The following PCDH15 variants were observed in gnomAD, a reference collection of about 807,000 sequenced individuals.
PCDH15 encodes the protein protocadherin-15.
In PCDH15, 129 loss-of-function variants were observed where a neutral mutation model predicts 178.5. That is an observed-to-expected ratio of 0.72 (90% CI 0.63 to 0.84). The LOEUF is 0.84. Among genes scored for constraint, PCDH15 ranks in the 40% least tolerant of loss-of-function variants. PCDH15 has a pLI of 0.00. For synonymous variants in PCDH15, 800 were observed against 732.0 expected, an observed-to-expected ratio of 1.09 and a Z score of -1.50; for missense variants, 2,230 against 2,099.9, an observed-to-expected ratio of 1.06 and a Z score of -1.21.
At chr10:54,656,316 A>G (rs2094405677) in intron 2 of PCDH15, among the ~76,000 whole-genome samples, 1 of 151,972 alleles carries the variant, frequency 6.6e-6, no homozygotes, top group South Asian at 2.1e-4. Flanking sequence ...TTGACCCCCA[A>G]GGAACTTAGA....
intron 35 of PCDH15, among the ~76,000 whole-genome samples, chr10:53,811,913 C>A (rs952302083): frequency 6.6e-6 from 1 of 152,090 alleles, no homozygotes; most frequent in Non-Finnish European, 1.5e-5. Context: ...TGCAGATGAG[C>A]ATTTTCACTT....
rs554561027 is a variant in PCDH15, at chr10:54,875,115, G to A, written c.-29+22335C>T. ...ATCAGTGCTATTTTTCGAACAGCAC[G>A]TGCTCATTTCATGTCATTGTGTCAC... On this transcript the variant is annotated intron_variant, in intron 3 of 5. Coordinates refer to the PCDH15 transcript ENST00000458638. Among the ~76,000 whole-genome samples, 26 of 152,212 alleles carry A rather than the reference G, an allele frequency of 1.7e-4. No individual in the cohort carries two copies. The South Asian group carries it at 1.9e-3, about 11-fold the overall frequency.
At chr10:54,728,372 T>C (rs1167937974) in intron 1 of PCDH15, among the ~76,000 whole-genome samples, 1 of 151,430 alleles carries the variant, frequency 6.6e-6, no homozygotes, top group Admixed American at 6.6e-5. Flanking sequence ...AAAAGACTTT[T>C]GATAAAATTC....
chr10:55,453,311 C>T (rs1335345673), intron 2 of PCDH15, among the ~76,000 whole-genome samples: 5 of 152,192 alleles, frequency 3.3e-5, no homozygotes, highest in Non-Finnish European at 7.3e-5. Context: ...ATTTGAAATA[C>T]AGACAATAAA....
intron 37 of PCDH15, 151 bp downstream of exon 37, chr10:53,810,404 GA>G: frequency 1.6e-6 from 1 of 614,820 alleles, no homozygotes; most frequent in Non-Finnish European, 2.8e-6. Flanking sequence ...ACAAGGCAAT[GA>G]AACGGTCAGC....
intron 8 of PCDH15, among the ~76,000 whole-genome samples, chr10:54,267,877 A>C (rs2057793727): frequency 6.6e-6 from 1 of 151,850 alleles, no homozygotes; most frequent in Admixed American, 6.6e-5. Flanking sequence ...AATTCAATGC[A>C]GTTCCTATGA....
At chr10:54,228,364 T>C (rs931527634) in intron 9 of PCDH15, among the ~76,000 whole-genome samples, 7 of 152,096 alleles carry the variant, frequency 4.6e-5, no homozygotes, top group African/African-American at 1.7e-4. Flanking sequence ...AATCATCAGA[T>C]CTTGTGAGAC....
chr10:54,928,900 C>T (rs368126428), intron 2 of PCDH15, among the ~76,000 whole-genome samples: 2 of 152,136 alleles, frequency 1.3e-5, no homozygotes, highest in Non-Finnish European at 2.9e-5. Context: ...AGCTTTGTTG[C>T]TATCCATATT....
In PCDH15 at chr10:54,380,733, T is replaced by C. The variant is rs866396890; in HGVS notation, c.158-1791A>G. ...ATATATATATATATATATATATATA[T>C]ATATATATATATATGCTCCAAGCTG... is the stretch of plus-strand genomic sequence containing the variant. On this transcript the variant is annotated intron_variant, in intron 3 of 37. Transcript: ENST00000644397. Among the ~76,000 whole-genome samples, 66 of 120,554 alleles carry C rather than the reference T, an allele frequency of 5.5e-4. 4 individuals are homozygous for C. Among genetic ancestry groups the C allele is most frequent in the African/African-American group, 1.6e-3 (49 of 30,262 alleles). 79.1% of individuals were successfully genotyped at this position (120,554 alleles called of 152,430 possible). A position where few individuals can be genotyped will look rare whatever the true frequency, so the allele number is the denominator to read the frequency against.
At chr10:55,355,202 GC>G (rs1845044350) in intron 2 of PCDH15, among the ~76,000 whole-genome samples, 1 of 152,110 alleles carries the variant, frequency 6.6e-6, no homozygotes, top group Non-Finnish European at 1.5e-5. Context: ...TCTGAATAGA[GC>G]TGCTACAAAC....
At chr10:54,733,228 T>C (rs929945449) in intron 1 of PCDH15, among the ~76,000 whole-genome samples, 2 of 151,512 alleles carry the variant, frequency 1.3e-5, no homozygotes, top group African/African-American at 4.8e-5. Context: ...GTAGAAAATA[T>C]CTGAAATCTC....
At chr10:54,637,720 C>T (rs1201968348) in intron 2 of PCDH15, among the ~76,000 whole-genome samples, 6 of 151,992 alleles carry the variant, frequency 3.9e-5, no homozygotes, top group East Asian at 1.9e-4. Flanking sequence ...AACATATTTG[C>T]GAGTTCCAGA....
chr10:53,822,234 G>A, intron 32 of PCDH15: 1 of 1,613,960 alleles, frequency 6.2e-7, no homozygotes, highest in Non-Finnish European at 8.5e-7. Context: ...TGAAGCTGAA[G>A]GAGGTGGAGG....
chr10:55,433,947 G>T (rs1838957338), intron 2 of PCDH15, among the ~76,000 whole-genome samples: 1 of 151,584 alleles, frequency 6.6e-6, no homozygotes. Context: ...TATATGTGTG[G>T]TTTATTTCTG....
intron 8 of PCDH15, among the ~76,000 whole-genome samples, chr10:54,240,631 T>TTA (rs2055158131): frequency 7.4e-6 from 1 of 134,994 alleles, no homozygotes; most frequent in Admixed American, 7.4e-5. Flanking sequence ...TTTTGCTTTT[T>TTA]TTTTTTTTTT....
At position 55,609,009 on chromosome 10, in the gene PCDH15, T is replaced by TACAC. The variant is rs548938586; in HGVS notation, c.-156+18615_-156+18616insGTGT. Among the ~76,000 whole-genome samples, 58 of 99,504 alleles carry TACAC rather than the reference T, an allele frequency of 5.8e-4. No individual in the cohort carries two copies. The South Asian group carries it at 0.01, about 17-fold the overall frequency. The allele number at this position is 99,504 out of a possible 152,430, so 65.3% of individuals were successfully genotyped here. On this transcript the variant is annotated intron_variant, in intron 2 of 5. Transcript: ENST00000613346. ...TATGGGACTATACATATATGTTATA[T>TACAC]ATATATACACACACACACACACACA...
intron 2 of PCDH15, among the ~76,000 whole-genome samples, chr10:55,512,092 T>G (rs1474649234): frequency 1.3e-5 from 2 of 152,002 alleles, no homozygotes; most frequent in African/African-American, 4.8e-5. Flanking sequence ...TAAGATGCAA[T>G]TAAAGAGGTG....
At chr10:54,272,828 G>A (rs563808819) in intron 8 of PCDH15, among the ~76,000 whole-genome samples, 1 of 152,052 alleles carries the variant, frequency 6.6e-6, no homozygotes, top group East Asian at 1.9e-4. Flanking sequence ...AGTACACTTA[G>A]GCATAATTTC....
intron 10 of PCDH15, among the ~76,000 whole-genome samples, chr10:54,201,959 T>G (rs2133984992): frequency 6.6e-6 from 1 of 152,322 alleles, no homozygotes; most frequent in Non-Finnish European, 1.5e-5. Flanking sequence ...TATGATTCTA[T>G]ATCTATAGGG....
Sources: gnomAD v4.1 joint callset for allele counts (sites outside exome capture counted in the v4.1 genomes callset) on GRCh38, gnomAD v4.1.1 for gene constraint, MANE v1.5 for transcripts, NCBI Gene and HGNC (gene_info 2026-07-23, HGNC 2026-07-21) for gene names.